The following TPST1 variants were observed in gnomAD, a reference collection of about 807,000 sequenced individuals.
The protein encoded by TPST1 is tyrosylprotein sulfotransferase 1.
Under a neutral mutation model 34.8 loss-of-function variants are expected in TPST1, and 20 were observed. That is an observed-to-expected ratio of 0.57 (90% CI 0.40 to 0.84). The LOEUF (loss-of-function observed/expected upper bound fraction) is 0.84, where lower values mean the gene tolerates loss of function less well. Among genes scored for constraint, TPST1 ranks in the 40% least tolerant of loss-of-function variants. The pLI, the probability that TPST1 is intolerant of heterozygous loss-of-function variation, is 0.00. For synonymous variants in TPST1, 152 were observed against 159.4 expected (o/e 0.95, Z 0.35); for missense variants, 353 against 455.5 (o/e 0.78, Z 2.05).
At chr7:66,227,610 T>A (rs922483570) in intron 1 of TPST1, among the ~76,000 whole-genome samples, 1 of 151,942 alleles carries the variant, frequency 6.6e-6, no homozygotes, top group Non-Finnish European at 1.5e-5. Context: ...TAGACTCTAA[T>A]GGGCAGCAGT....
intron 3 of TPST1, among the ~76,000 whole-genome samples, chr7:66,311,535 C>G (rs1791531798): frequency 6.6e-6 from 1 of 152,154 alleles, no homozygotes. Flanking sequence ...TACCATCTCT[C>G]AGAATACCTC....
intron 1 of TPST1, among the ~76,000 whole-genome samples, 187 bp from the exon 2 acceptor site, chr7:66,240,138 C>T (rs973560396): frequency 5.9e-5 from 9 of 152,144 alleles, no homozygotes; most frequent in Non-Finnish European, 7.4e-5. Flanking sequence ...CCGCCCGCCT[C>T]GGCCTCCCAA....
At chr7:66,323,606 G>A (rs902880788) in intron 3 of TPST1, among the ~76,000 whole-genome samples, 4 of 152,166 alleles carry the variant, frequency 2.6e-5, no homozygotes, top group Non-Finnish European at 4.4e-5. Context: ...CAAATGTTAT[G>A]AAGAAAGTGA....
rs968949227 is a variant in TPST1, at chr7:66,223,773, C to T, written c.-101-16552C>T. 3.9e-5 allele frequency among the ~76,000 whole-genome samples: 6 copies of T among 152,222 alleles called. No homozygotes were observed. The East Asian group carries it at 9.7e-4, about 24-fold the overall frequency. ...AAAATAGAGACTGCTATATTGAGCC[C>T]TCAAGTGCCCATCACTCAGCTTCAA... is the stretch of plus-strand genomic sequence containing the variant. On this transcript the variant is annotated intron_variant, in intron 1 of 5. Coordinates refer to ENST00000304842, the MANE Select transcript of TPST1 (RefSeq NM_003596.4).
At chr7:66,317,501 A>G (rs1221206042) in intron 3 of TPST1, among the ~76,000 whole-genome samples, 1 of 151,934 alleles carries the variant, frequency 6.6e-6, no homozygotes, top group African/African-American at 2.4e-5. Context: ...TTTAAAAACT[A>G]TTTTGTTTGA....
At chr7:66,305,104 C>T (rs549820032) in intron 3 of TPST1, among the ~76,000 whole-genome samples, 14 of 152,224 alleles carry the variant, frequency 9.2e-5, no homozygotes, top group African/African-American at 3.4e-4. Flanking sequence ...TAGGCATGAA[C>T]CACCGTGCCC....
At chr7:66,315,450 T>C (rs1791613913) in intron 3 of TPST1, among the ~76,000 whole-genome samples, 1 of 152,254 alleles carries the variant, frequency 6.6e-6, no homozygotes, top group African/African-American at 2.4e-5. Context: ...CTGTTAGTAG[T>C]GCTCACGGTT....
intron 2 of TPST1, among the ~76,000 whole-genome samples, chr7:66,270,032 G>A (rs1047986393): frequency 6.6e-6 from 1 of 152,168 alleles, no homozygotes; most frequent in African/African-American, 2.4e-5. Flanking sequence ...AGAGGATTTT[G>A]AAGGTCAGAT....
chr7:66,347,044 T>C (rs1160069798), intron 3 of TPST1, among the ~76,000 whole-genome samples: 2 of 146,872 alleles, frequency 1.4e-5, no homozygotes, highest in Admixed American at 7.0e-5. Context: ...TTTCTTCTTT[T>C]TTTCCTTTGC....
chr7:66,315,558 G>A (rs2116155175), intron 3 of TPST1, among the ~76,000 whole-genome samples: 1 of 152,310 alleles, frequency 6.6e-6, no homozygotes, highest in Middle Eastern at 3.4e-3. Context: ...TGTGGGAATG[G>A]TAGTATAACC....
At position 66,332,884 on chromosome 7, in the gene TPST1, A is replaced by T. The variant is rs1792024750; in HGVS notation, c.1045-19621A>T. On this transcript the variant is annotated intron_variant, in intron 3 of 5. Coordinates refer to ENST00000304842, the MANE Select transcript of TPST1 (RefSeq NM_003596.4). This position sits in a 1 kb window ranked among gnomAD's most constrained non-coding sequence, Gnocchi z 4.5. ...CACTTGAGCACCTGTGGATTTTGTT[A>T]TTCACAGGGGATCCTGGAAACAATC... is the stretch of plus-strand genomic sequence containing the variant. Among the ~76,000 whole-genome samples, 2 of 152,138 alleles carry T rather than the reference A, an allele frequency of 1.3e-5. No homozygotes were observed. The highest frequency in any genetic ancestry group is 2.9e-5 in the Non-Finnish European group (2 of 68,034).
intron 3 of TPST1, among the ~76,000 whole-genome samples, chr7:66,336,542 T>G (rs1237842922): frequency 6.6e-6 from 1 of 152,060 alleles, no homozygotes; most frequent in East Asian, 1.9e-4. Context: ...GGACAGAACA[T>G]ATGAAATTAC....
chr7:66,317,978 G>A (rs1562842205), intron 3 of TPST1, among the ~76,000 whole-genome samples: 1 of 152,062 alleles, frequency 6.6e-6, no homozygotes, highest in South Asian at 2.1e-4. Context: ...GGCCAACATG[G>A]CGAAACCCCG....
At chr7:66,293,973 TGA>T (rs1405940506) in intron 3 of TPST1, among the ~76,000 whole-genome samples, 2 of 152,218 alleles carry the variant, frequency 1.3e-5, no homozygotes, top group Non-Finnish European at 2.9e-5. Context: ...GCCTACCAGT[TGA>T]GTCTATTTCA....
intron 1 of TPST1, chr7:66,221,517 G>A (rs1436657523): frequency 6.6e-6 from 1 of 152,216 alleles, no homozygotes; most frequent in Admixed American, 6.5e-5. Flanking sequence ...ACATGCCGGT[G>A]AACATCCAGA....
At chr7:66,353,308 A>G (rs1306162673) in intron 4 of TPST1, among the ~76,000 whole-genome samples, 1 of 151,958 alleles carries the variant, frequency 6.6e-6, no homozygotes, top group Non-Finnish European at 1.5e-5. Context: ...GACTGCCTCA[A>G]AAAAAGAAAA....
intron 1 of TPST1, among the ~76,000 whole-genome samples, chr7:66,215,079 G>A (rs1205238465): frequency 1.4e-5 from 2 of 147,030 alleles, no homozygotes; most frequent in Non-Finnish European, 3.0e-5. Context: ...TTTTTGAGAT[G>A]GAGTCTCTCT....
intron 2 of TPST1, among the ~76,000 whole-genome samples, chr7:66,279,277 C>T (rs1295208836): frequency 1.3e-5 from 2 of 152,170 alleles, no homozygotes; most frequent in Non-Finnish European, 2.9e-5. Flanking sequence ...TTTTTTATAG[C>T]TGTGTAGTAT....
intron 2 of TPST1, among the ~76,000 whole-genome samples, chr7:66,244,563 G>A (rs1790109250): frequency 6.6e-6 from 1 of 152,230 alleles, no homozygotes; most frequent in Admixed American, 6.5e-5. Flanking sequence ...ATCTTGAAAA[G>A]AAAGCAGAAG....
Sources: gnomAD v4.1 joint callset for allele counts (sites outside exome capture counted in the v4.1 genomes callset) on GRCh38, gnomAD v4.1.1 for gene constraint, Gnocchi (gnomAD v3.1) non-coding constraint, MANE v1.5 for transcripts, NCBI Gene and HGNC (gene_info 2026-07-23, HGNC 2026-07-21) for gene names.